The following PLSCR2 variants were observed in gnomAD, a reference collection of about 807,000 sequenced individuals.
The protein encoded by PLSCR2 is PL scramblase 2.
In PLSCR2, 18 loss-of-function variants were observed where a neutral mutation model predicts 25.3. That is an observed-to-expected ratio of 0.71 (90% CI 0.49 to 1.06). PLSCR2 has a LOEUF of 1.06. Ranked by LOEUF, PLSCR2 falls within the 50% of genes least tolerant of loss-of-function variation. The probability of loss-of-function intolerance (pLI) is 0.00; values close to 1 mark genes in which losing one functional copy is unlikely to be tolerated. For synonymous variants in PLSCR2, 88 were observed against 87.3 expected, an observed-to-expected ratio of 1.01 and a Z score of -0.04; for missense variants, 243 against 269.5, an observed-to-expected ratio of 0.90 and a Z score of 0.69.
chr3:146,459,040 T>C (rs2041396134), intron 2 of PLSCR2, among the ~76,000 whole-genome samples: 1 of 152,162 alleles, frequency 6.6e-6, no homozygotes, highest in South Asian at 2.1e-4. Flanking sequence ...TATTTGTTTA[T>C]AGATTGGAGA....
intron 6 of PLSCR2, among the ~76,000 whole-genome samples, chr3:146,444,636 C>T (rs1358604416): frequency 1.3e-5 from 2 of 151,572 alleles, no homozygotes; most frequent in Non-Finnish European, 3.0e-5. Context: ...TCAGTCTATG[C>T]GTGTCTTTAG....
At chr3:146,443,611 T>G (rs1350811429) in intron 6 of PLSCR2, among the ~76,000 whole-genome samples, 1 of 152,014 alleles carries the variant, frequency 6.6e-6, no homozygotes, top group Non-Finnish European at 1.5e-5. Flanking sequence ...AAGCGTCTCC[T>G]TTTTCATCTC....
chr3:146,410,984 C>CCGTA lies in PLSCR2; in HGVS notation c.101-15067_101-15064dup, dbSNP rs549463085. Among the ~76,000 whole-genome samples, 542 of 152,318 alleles carry CCGTA rather than the reference C, an allele frequency of 3.6e-3. 1 individual carries two copies. Among genetic ancestry groups the CCGTA allele is most frequent in the African/African-American group, 0.012 (519 of 41,566 alleles). ...CTGCAGGTGACGGCCCATTCGAACT[C>CCGTA]CGTAGCTTTCACTGTGGAGCTACAA... is the stretch of plus-strand genomic sequence containing the variant. On this transcript the variant is annotated intron_variant and NMD_transcript_variant, in intron 2 of 3. Coordinates refer to the PLSCR2 transcript ENST00000463633.
At chr3:146,479,742 G>A (rs183176212) in intron 1 of PLSCR2, among the ~76,000 whole-genome samples, 2 of 152,260 alleles carry the variant, frequency 1.3e-5, no homozygotes, top group East Asian at 3.9e-4. Flanking sequence ...AGATCTAATA[G>A]ACATCTACAG....
intron 2 of PLSCR2, among the ~76,000 whole-genome samples, chr3:146,418,134 C>CT (rs1194909339): frequency 6.6e-6 from 1 of 151,960 alleles, no homozygotes; most frequent in Admixed American, 6.6e-5. Flanking sequence ...TGAAAAATAC[C>CT]TTTTTTCATC....
intron 5 of PLSCR2, among the ~76,000 whole-genome samples, chr3:146,451,581 T>C (rs1343021856): frequency 2.6e-5 from 4 of 152,166 alleles, no homozygotes; most frequent in African/African-American, 4.8e-5. Context: ...ATCTTTTATA[T>C]ACTAAGATGA....
At chr3:146,433,056 G>A (rs1245697797), downstream of PLSCR2, among the ~76,000 whole-genome samples, 1 of 152,018 alleles carries the variant, frequency 6.6e-6, no homozygotes, top group Non-Finnish European at 1.5e-5. Flanking sequence ...TATATTCAGT[G>A]TTTAATCTTA....
chr3:146,469,000 T>C, intron 1 of PLSCR2: 1 of 353,670 alleles, frequency 2.8e-6, no homozygotes, highest in South Asian at 1.2e-4. Flanking sequence ...CTGGAGCTAA[T>C]GGTCTTAGGA....
At chr3:146,434,234 C>G (rs2039688243) in intron 8 of PLSCR2, among the ~76,000 whole-genome samples, 1 of 151,984 alleles carries the variant, frequency 6.6e-6, no homozygotes, top group South Asian at 2.1e-4. Context: ...TAATATATAC[C>G]TGAATGGCTC....
chr3:146,399,351 A>G (rs1264110035), intron 2 of PLSCR2, among the ~76,000 whole-genome samples: 2 of 151,822 alleles, frequency 1.3e-5, no homozygotes, highest in Non-Finnish European at 3.0e-5. Flanking sequence ...GCTGCCATTT[A>G]AAGGAACAAA....
downstream of PLSCR2, among the ~76,000 whole-genome samples, chr3:146,440,502 C>T (rs781319645): frequency 1.3e-5 from 2 of 152,214 alleles, no homozygotes; most frequent in Non-Finnish European, 2.9e-5. Context: ...GCCTCGCTGC[C>T]ACCTTGCAGT....
At chr3:146,436,246 G>A (rs2039850825) in intron 8 of PLSCR2, among the ~76,000 whole-genome samples, 1 of 152,114 alleles carries the variant, frequency 6.6e-6, no homozygotes, top group African/African-American at 2.4e-5. Flanking sequence ...GGATTGTCTT[G>A]GCAATGTGGG....
chr3:146,490,843 T>C (rs1489789101), intron 1 of PLSCR2, among the ~76,000 whole-genome samples: 1 of 152,174 alleles, frequency 6.6e-6, no homozygotes, highest in African/African-American at 2.4e-5. Flanking sequence ...TTAGCCCATC[T>C]ACATTCAAAA....
At chr3:146,398,260 C>T (rs955829710) in intron 2 of PLSCR2, among the ~76,000 whole-genome samples, 5 of 151,570 alleles carry the variant, frequency 3.3e-5, no homozygotes, top group Non-Finnish European at 7.4e-5. Context: ...TAGTAAGCAC[C>T]TAAAAATTTT....
chr3:146,430,736 T>C (rs191967326), downstream of PLSCR2, among the ~76,000 whole-genome samples: 11 of 152,176 alleles, frequency 7.2e-5, 1 homozygote, highest in East Asian at 1.9e-3. Flanking sequence ...GTCTCCAGTC[T>C]ACACTTTCAC....
At chr3:146,465,569 C>T (rs1056808764) in intron 1 of PLSCR2, among the ~76,000 whole-genome samples, 34 of 133,706 alleles carry the variant, frequency 2.5e-4, no homozygotes, top group African/African-American at 9.4e-4. Flanking sequence ...CACTCACCCT[C>T]CACAAAAAAA....
chr3:146,469,377 C>T, intron 1 of PLSCR2, 118 bp downstream of exon 1: 1 of 943,538 alleles, frequency 1.1e-6, no homozygotes, highest in Non-Finnish European at 1.3e-6. Context: ...TTCCCGCGGC[C>T]CATTGGGCCC....
chr3:146,426,549 T>C (rs2108101555), intron 2 of PLSCR2, among the ~76,000 whole-genome samples: 1 of 152,234 alleles, frequency 6.6e-6, no homozygotes, highest in South Asian at 2.1e-4. Context: ...ATGAAATTTG[T>C]CCCTTTGATT....
At chr3:146,419,870 T>C (rs1364539939) in intron 2 of PLSCR2, among the ~76,000 whole-genome samples, 1 of 152,102 alleles carries the variant, frequency 6.6e-6, no homozygotes, top group Non-Finnish European at 1.5e-5. Context: ...TTTGGAGCCC[T>C]TAACTTAATC....
Sources: gnomAD v4.1 joint callset for allele counts (sites outside exome capture counted in the v4.1 genomes callset) on GRCh38, gnomAD v4.1.1 for gene constraint, MANE v1.5 for transcripts, NCBI Gene and HGNC (gene_info 2026-07-23, HGNC 2026-07-21) for gene names.